Variants in GPT2 observed in about 807,000 individuals in gnomAD.
GPT2 encodes alanine aminotransferase 2.
Under a neutral mutation model 56.9 loss-of-function variants are expected in GPT2, and 30 were observed. That is an observed-to-expected ratio of 0.53 (90% CI 0.39 to 0.72). The LOEUF (loss-of-function observed/expected upper bound fraction) is 0.72. Among genes scored for constraint, GPT2 ranks in the 30% least tolerant of loss-of-function variants. The pLI is 0.00. For missense variants in GPT2, 542 were observed against 703.4 expected, an observed-to-expected ratio of 0.77 and a Z score of 2.60; for synonymous variants, 271 against 283.1, an observed-to-expected ratio of 0.96 and a Z score of 0.43.
intron 6 of GPT2, among the ~76,000 whole-genome samples, chr16:46,914,952 C>G (rs1567340523): frequency 6.6e-6 from 1 of 152,248 alleles, no homozygotes; most frequent in Admixed American, 6.5e-5. Flanking sequence ...GGGTCTTGCT[C>G]TGTCACCCAG....
intron 11 of GPT2, 133 bp from the exon 12 acceptor site, chr16:46,928,774 T>A (rs1229916795): frequency 3.0e-6 from 2 of 673,950 alleles, no homozygotes; most frequent in Non-Finnish European, 5.4e-6. Context: ...TGCTGGGTGC[T>A]GTCCGGGCTG....
chr16:46,894,822 C>G (rs1007953869), intron 2 of GPT2, among the ~76,000 whole-genome samples: 1 of 152,174 alleles, frequency 6.6e-6, no homozygotes, highest in Non-Finnish European at 1.5e-5. Flanking sequence ...CCCGCCCCCA[C>G]GCCTGGCTAA....
chr16:46,911,170 A>G (rs1961039963), intron 6 of GPT2, among the ~76,000 whole-genome samples: 1 of 152,202 alleles, frequency 6.6e-6, no homozygotes. Flanking sequence ...ACTAATTTCC[A>G]GAAGTTGAAA....
chr16:46,890,472 A>C (rs1960565616), intron 2 of GPT2, among the ~76,000 whole-genome samples: 1 of 152,058 alleles, frequency 6.6e-6, no homozygotes, highest in Non-Finnish European at 1.5e-5. Context: ...TGTGCTACTC[A>C]TGGCTGTCAC....
chr16:46,929,231 T>A lies in GPT2; in HGVS notation c.*234T>A. 1.9e-6 allele frequency: 1 copy of A among 526,874 alleles called. No individual in the cohort carries two copies. Among genetic ancestry groups the A allele is most frequent in the Admixed American group, 3.1e-5 (1 of 32,078 alleles). 32.6% of individuals were successfully genotyped at this position (526,874 alleles called of 1,614,324 possible). ...GAGTAGAGGGGACCTGCTCAGCAGG[T>A]GTGACCAGGGTTCTCTGAATCTGTT... On this transcript the variant is annotated 3_prime_UTR_variant, in exon 12 of 12. Coordinates refer to ENST00000340124, the MANE Select transcript of GPT2 (RefSeq NM_133443.4).
chr16:46,906,925 G>A lies in GPT2; in HGVS notation c.526G>A (p.Ala176Thr). ...CACCAGGAGGGATGGCGGTGTGCCTGCGGACCCCGACAACATCTACCTGAC... is the reference window on the plus strand; with the variant it reads ...CACCAGGAGGGATGGCGGTGTGCCTACGGACCCCGACAACATCTACCTGAC... The part of the protein sequence containing the change: ...YITRRDGGVP[A>T]DPDNIYLTTG... The change falls in exon 5 of 12, where the codon GCG (alanine) becomes ACG (threonine). Residue 176 changes from alanine (A) to threonine (T), a missense_variant. Transcript: ENST00000340124. The A allele has an allele frequency of 1.2e-6, 2 of 1,614,226 alleles. No individual in the cohort carries two copies. Among genetic ancestry groups the A allele is most frequent in the Non-Finnish European group, 1.7e-6 (2 of 1,180,052 alleles).
intron 3 of GPT2, among the ~76,000 whole-genome samples, chr16:46,898,144 G>A (rs1960720329): frequency 2.0e-5 from 3 of 152,174 alleles, no homozygotes; most frequent in South Asian, 4.1e-4. Flanking sequence ...TGTGAGTGTG[G>A]GCTCTGCTGC....
Position 46,909,831 on chromosome 16 carries a change from G to A in GPT2, c.724G>A (p.Ala242Thr). Residue 242 changes from alanine (A) to threonine (T), a missense_variant, in exon 6 of 12, where the codon GCG becomes ACG. Transcript: ENST00000340124. Reference protein sequence around the residue: ...NYYLDEENCWALNVNELRRAV... With the variant: ...NYYLDEENCWTLNVNELRRAV... ...CTACCTGGACGAGGAGAACTGCTGG[G>A]CGCTGAATGTGAATGAGCTCCGGCG... is the stretch of plus-strand genomic sequence containing the variant. 2 of 1,614,196 alleles carry A rather than the reference G, an allele frequency of 1.2e-6. No homozygotes were observed. Among genetic ancestry groups the A allele is most frequent in the Non-Finnish European group, 8.5e-7 (1 of 1,180,040 alleles).
intron 10 of GPT2, among the ~76,000 whole-genome samples, chr16:46,926,130 C>CAAAAAAA (rs57922941): frequency 6.9e-5 from 4 of 58,168 alleles, no homozygotes; most frequent in Non-Finnish European, 1.3e-4. Context: ...GACTCTGTCT[C>CAAAAAAA]AAAAAAAAAA....
intron 3 of GPT2, among the ~76,000 whole-genome samples, chr16:46,898,585 T>G (rs1960731322): frequency 6.6e-6 from 1 of 152,142 alleles, no homozygotes; most frequent in Admixed American, 6.6e-5. Flanking sequence ...GTTTTTGTTT[T>G]GTTGCCCAGG....
chr16:46,929,008 G>A lies in GPT2; in HGVS notation c.*11G>A. ...GAGAAGTACGCGTGAGGACGCCTGA[G>A]CCCCAGCGGGAGACCTGTCCTTGGC... On this transcript the variant is annotated 3_prime_UTR_variant, in exon 12 of 12. Coordinates refer to ENST00000340124, the MANE Select transcript of GPT2 (RefSeq NM_133443.4). 6.2e-7 allele frequency: 1 copy of A among 1,608,362 alleles called. No homozygotes were observed. The highest frequency in any genetic ancestry group is 1.1e-5 in the South Asian group (1 of 90,964).
rs1445673264 is a variant in GPT2, at chr16:46,898,988, ATATAAC to A, written c.333+1252_333+1257del. Among the ~76,000 whole-genome samples the A allele has an allele frequency of 1.0e-3, 129 of 128,072 alleles. 1 individual carries two copies. The highest frequency in any genetic ancestry group is 3.4e-3 in the African/African-American group (118 of 34,612). 84.0% of individuals were successfully genotyped at this position (128,072 alleles called of 152,430 possible). ...TATACACACACACATATATATATAT[ATATAAC>A]ACACATATATATATATATATATATA... is the stretch of plus-strand genomic sequence containing the variant. On this transcript the variant is annotated intron_variant, in intron 3 of 11. Coordinates refer to ENST00000340124, the MANE Select transcript of GPT2 (RefSeq NM_133443.4).
intron 4 of GPT2, 64 bp downstream of exon 4, chr16:46,900,854 C>G: frequency 7.2e-7 from 1 of 1,388,046 alleles, no homozygotes; most frequent in South Asian, 1.2e-5. Flanking sequence ...GCGGCCCCAG[C>G]CTCAAGCGGA....
chr16:46,893,977 T>G (rs562127514), intron 2 of GPT2, among the ~76,000 whole-genome samples: 2 of 152,154 alleles, frequency 1.3e-5, no homozygotes, highest in Non-Finnish European at 2.9e-5. Context: ...TCCCATCCCA[T>G]GTAGACCTTG....
chr16:46,918,476 C>G lies in GPT2; in HGVS notation c.901-145C>G, dbSNP rs559531312. On this transcript the variant is annotated intron_variant, in intron 7 of 11. Transcript: ENST00000340124. Reference sequence around the variant, plus strand: ...ATTCCAGAAAGTTCCTTCAGGCACACTTGGCTCATCCCTGGAATGGCACAG... The same window carrying G: ...ATTCCAGAAAGTTCCTTCAGGCACAGTTGGCTCATCCCTGGAATGGCACAG... 1.5e-4 allele frequency: 132 copies of G among 885,122 alleles called. 1 individual carries two copies. The highest frequency in any genetic ancestry group is 3.2e-5 in the Non-Finnish European group (18 of 570,438). 54.8% of individuals were successfully genotyped at this position (885,122 alleles called of 1,614,324 possible). A position where few individuals can be genotyped will look rare whatever the true frequency, so the allele number is the denominator to read the frequency against.
intron 6 of GPT2, among the ~76,000 whole-genome samples, chr16:46,913,397 A>G (rs1961081390): frequency 6.6e-6 from 1 of 152,370 alleles, no homozygotes; most frequent in Non-Finnish European, 1.5e-5. Context: ...GAGGAATTAC[A>G]GGCAGGTTCT....
At chr16:46,900,880 A>T in intron 4 of GPT2, 90 bp downstream of exon 4, 1 of 1,019,124 alleles carries the variant, frequency 9.8e-7, no homozygotes, top group Non-Finnish European at 1.5e-6. Flanking sequence ...CTGCATGCGA[A>T]TGGGTGTGTG....
At chr16:46,915,577 T>A (rs1160440650) in intron 6 of GPT2, 1 of 54,126 alleles carries the variant, frequency 1.8e-5, no homozygotes, top group Non-Finnish European at 3.7e-5. Context: ...ACGCAACATA[T>A]ACAGACACAC....
chr16:46,924,453 A>T lies in GPT2; in HGVS notation c.1277A>T (p.Gln426Leu). The change falls in exon 10 of 12, where the codon CAA (glutamine) becomes CTA (leucine). Residue 426 changes from glutamine (Q) to leucine (L), a missense_variant. Coordinates refer to ENST00000340124, the MANE Select transcript of GPT2 (RefSeq NM_133443.4). ...AAGCTGACGGAAGACCTGTTTAACC[A>T]AGTCCCAGGAATTCACTGCAACCCC... ...KAKLTEDLFN[Q>L]VPGIHCNPLQ... 1.9e-6 allele frequency: 3 copies of T among 1,614,216 alleles called. No homozygotes were observed. The highest frequency in any genetic ancestry group is 2.5e-6 in the Non-Finnish European group (3 of 1,180,026).
Sources: allele counts gnomAD v4.1 joint callset (sites outside exome capture counted in the v4.1 genomes callset), GRCh38; gene constraint gnomAD v4.1.1; transcripts MANE v1.5; gene names NCBI Gene and HGNC (gene_info 2026-07-23, HGNC 2026-07-21).